The following MDGA2 variants were observed in gnomAD, a reference collection of about 807,000 sequenced individuals.
The protein encoded by MDGA2 is MAM domain containing glycosylphosphatidylinositol anchor 2, also known as MAM domain-containing glycosylphosphatidylinositol anchor protein 2.
Under a neutral mutation model 117.8 loss-of-function variants are expected in MDGA2, and 40 were observed. The ratio of observed to expected loss-of-function variants is 0.34; its 90% confidence interval spans 0.26 to 0.44. MDGA2 has a LOEUF of 0.44. Among genes scored for constraint, MDGA2 ranks in the 20% least tolerant of loss-of-function variants. MDGA2 has a pLI of 1.00. For synonymous variants in MDGA2, 452 were observed against 439.0 expected, an observed-to-expected ratio of 1.03 and a Z score of -0.37; for missense variants, 1,123 against 1,250.6, an observed-to-expected ratio of 0.90 and a Z score of 1.54.
At chr14:46,872,686 C>A (rs1882056891) in intron 14 of MDGA2, among the ~76,000 whole-genome samples, 1 of 151,858 alleles carries the variant, frequency 6.6e-6, no homozygotes, top group African/African-American at 2.4e-5. Context: ...CATATCAGTT[C>A]AGGTTATATA....
At chr14:46,895,628 A>G (rs1209577408) in intron 10 of MDGA2, among the ~76,000 whole-genome samples, 1 of 151,970 alleles carries the variant, frequency 6.6e-6, no homozygotes, top group Non-Finnish European at 1.5e-5. Flanking sequence ...CAGGAGGCTG[A>G]GGCAGGAGAA....
At chr14:47,628,087 C>T (rs79263360) in intron 1 of MDGA2, among the ~76,000 whole-genome samples, 13,524 of 152,144 alleles carry the variant, frequency 0.089, 637 homozygotes, top group Non-Finnish European at 0.11. Flanking sequence ...AGAAAAGGAG[C>T]GAACCTGAAC....
chr14:47,659,931 G>A (rs1208273223), intron 1 of MDGA2, among the ~76,000 whole-genome samples: 3 of 152,078 alleles, frequency 2.0e-5, no homozygotes, highest in African/African-American at 7.2e-5. Context: ...TTTAACATTA[G>A]CGCTATTTCC....
intron 6 of MDGA2, among the ~76,000 whole-genome samples, chr14:47,087,669 A>G (rs982565953): frequency 1.3e-5 from 2 of 151,930 alleles, no homozygotes; most frequent in African/African-American, 4.8e-5. Context: ...TAGATCATTT[A>G]GTCCAAACTA....
intron 1 of MDGA2, among the ~76,000 whole-genome samples, chr14:47,458,007 ATT>A (rs34331194): frequency 0.32 from 46,930 of 146,452 alleles, 7,764 homozygotes; most frequent in East Asian, 0.56. Flanking sequence ...TCTTCCCCAT[ATT>A]TTTTTTTTTT....
chr14:47,043,290 C>T (rs1889142659), intron 7 of MDGA2, among the ~76,000 whole-genome samples: 1 of 152,008 alleles, frequency 6.6e-6, no homozygotes, highest in South Asian at 2.1e-4. Flanking sequence ...TAAACTACAG[C>T]TCATTTCTTA....
intron 1 of MDGA2, among the ~76,000 whole-genome samples, chr14:47,366,731 T>C (rs1891238864): frequency 1.3e-5 from 2 of 151,694 alleles, no homozygotes; most frequent in African/African-American, 4.9e-5. Flanking sequence ...ATTATTGTTA[T>C]TATTATTTGC....
At chr14:47,242,260 A>C (rs946559307) in intron 2 of MDGA2, among the ~76,000 whole-genome samples, 1 of 151,964 alleles carries the variant, frequency 6.6e-6, no homozygotes, top group African/African-American at 2.4e-5. Flanking sequence ...AACTCATGAA[A>C]CTGAGAGGTG....
At chr14:47,418,111 G>C (rs1892509936) in intron 1 of MDGA2, among the ~76,000 whole-genome samples, 1 of 151,864 alleles carries the variant, frequency 6.6e-6, no homozygotes, top group South Asian at 2.1e-4. Context: ...GAGTCTTGCT[G>C]TGTCGCCCAG....
chr14:47,147,840 C>T (rs915796187), intron 3 of MDGA2, among the ~76,000 whole-genome samples: 1 of 152,094 alleles, frequency 6.6e-6, no homozygotes, highest in Non-Finnish European at 1.5e-5. Context: ...CTACTATTGC[C>T]ATTCTAGATT....
intron 10 of MDGA2, among the ~76,000 whole-genome samples, chr14:46,889,068 TA>T (rs1163697092): frequency 6.6e-6 from 1 of 151,994 alleles, no homozygotes. Context: ...TAATCCCAAA[TA>T]AAATGTAACA....
intron 1 of MDGA2, among the ~76,000 whole-genome samples, chr14:47,315,501 T>C (rs80235973): frequency 4.3e-4 from 65 of 152,298 alleles, no homozygotes; most frequent in Non-Finnish European, 7.9e-4. Flanking sequence ...TGGGTCATCA[T>C]TGGAGCATAA....
At chr14:46,920,262 A>G in intron 9 of MDGA2, 102 bp from the exon 10 acceptor site, 10 of 1,119,956 alleles carry the variant, frequency 8.9e-6, no homozygotes, top group Non-Finnish European at 1.2e-5. Flanking sequence ...ATTTTTCATT[A>G]GTAATTATAA....
chr14:47,037,821 T>G lies in MDGA2; in HGVS notation c.1526-2517A>C, dbSNP rs7493075. On this transcript the variant is annotated intron_variant, in intron 7 of 16. Coordinates refer to ENST00000399232, the MANE Select transcript of MDGA2 (RefSeq NM_001113498.3). ...AAAATAAATAAAAAATGTATAACTT[T>G]AAAGACTAATGGAGGGTTATTACTT... Among the ~76,000 whole-genome samples, 1,319 of 152,310 alleles carry G rather than the reference T, an allele frequency of 8.7e-3. 16 individuals are homozygous for G. The highest frequency in any genetic ancestry group is 0.031 in the African/African-American group (1,272 of 41,558).
intron 1 of MDGA2, among the ~76,000 whole-genome samples, chr14:47,441,882 T>C (rs1442725905): frequency 1.3e-5 from 2 of 152,162 alleles, no homozygotes; most frequent in Non-Finnish European, 2.9e-5. Flanking sequence ...ACAATGTATC[T>C]TGGGATAGAA....
chr14:47,204,282 G>A (rs1885607606), intron 3 of MDGA2, among the ~76,000 whole-genome samples: 1 of 151,972 alleles, frequency 6.6e-6, no homozygotes, highest in African/African-American at 2.4e-5. Context: ...TTACCATGGA[G>A]AGAAAATTAA....
intron 2 of MDGA2, among the ~76,000 whole-genome samples, chr14:47,235,710 T>G (rs1404917127): frequency 6.6e-6 from 1 of 152,174 alleles, no homozygotes. Context: ...GCATACCAGA[T>G]TATCTGGAAG....
At chr14:46,859,857 C>T (rs1361068463) in intron 14 of MDGA2, among the ~76,000 whole-genome samples, 2 of 152,060 alleles carry the variant, frequency 1.3e-5, no homozygotes, top group East Asian at 3.9e-4. Flanking sequence ...AGTATATAAA[C>T]TTATTTATAT....
In MDGA2 at chr14:47,366,202, T is replaced by C. The variant is rs916402756; in HGVS notation, c.281-64652A>G. 5.3e-5 allele frequency among the ~76,000 whole-genome samples: 8 copies of C among 152,164 alleles called. No individual in the cohort carries two copies. The East Asian group carries it at 9.6e-4, about 18-fold the overall frequency. ...GATGGAGGGCTTTGGACTTTTGTTG[T>C]TGGAGGGAGGTCAGGAAGGCTATTG... is the stretch of plus-strand genomic sequence containing the variant. On this transcript the variant is annotated intron_variant, in intron 1 of 16. Transcript: ENST00000399232.
Sources: allele counts gnomAD v4.1 joint callset (sites outside exome capture counted in the v4.1 genomes callset), GRCh38; gene constraint gnomAD v4.1.1; transcripts MANE v1.5; gene names NCBI Gene and HGNC (gene_info 2026-07-23, HGNC 2026-07-21).